Variants in SLCO6A1 observed in about 807,000 individuals in gnomAD.
SLCO6A1 encodes solute carrier organic anion transporter family member 6A1.
In SLCO6A1, 65 loss-of-function variants were observed where a neutral mutation model predicts 72.7. The observed-to-expected ratio is 0.89, with a 90% CI of 0.73 to 1.10. SLCO6A1 has a LOEUF of 1.10. Among genes scored for constraint, SLCO6A1 ranks in the 50% least tolerant of loss-of-function variants. SLCO6A1 has a pLI of 0.00. For missense variants in SLCO6A1, 874 were observed against 872.6 expected (o/e 1.00, Z -0.02); for synonymous variants, 314 against 298.2 (o/e 1.05, Z -0.55).
At chr5:102,481,773 G>A (rs1433909844) in intron 1 of SLCO6A1, among the ~76,000 whole-genome samples, 1 of 152,204 alleles carries the variant, frequency 6.6e-6, no homozygotes, top group Admixed American at 6.5e-5. Context: ...GAGGTACACA[G>A]TCTAATCAAT....
At chr5:102,435,163 A>G (rs1334421352) in intron 7 of SLCO6A1, among the ~76,000 whole-genome samples, 3 of 152,156 alleles carry the variant, frequency 2.0e-5, no homozygotes, top group African/African-American at 7.2e-5. Flanking sequence ...CCTCTTAGGA[A>G]GATTTTCCTA....
At chr5:102,479,178 G>A (rs1752060496) in intron 2 of SLCO6A1, among the ~76,000 whole-genome samples, 1 of 152,124 alleles carries the variant, frequency 6.6e-6, no homozygotes, top group South Asian at 2.1e-4. Context: ...GTGATAGTGA[G>A]TGAGTTCTCA....
At chr5:102,432,200 T>C (rs966474218) in intron 7 of SLCO6A1, among the ~76,000 whole-genome samples, 7 of 152,254 alleles carry the variant, frequency 4.6e-5, no homozygotes, top group Admixed American at 3.9e-4. Context: ...AGCTTGCCAC[T>C]CTGTCTTTTC....
intron 4 of SLCO6A1, among the ~76,000 whole-genome samples, chr5:102,467,492 G>A (rs546935511): frequency 6.6e-6 from 1 of 152,144 alleles, no homozygotes; most frequent in South Asian, 2.1e-4. Flanking sequence ...CAAATATCAT[G>A]AGACTTATTC....
At chr5:102,385,479 C>T (rs928532366) in intron 12 of SLCO6A1, among the ~76,000 whole-genome samples, 2 of 152,068 alleles carry the variant, frequency 1.3e-5, no homozygotes, top group African/African-American at 2.4e-5. Flanking sequence ...TTCCAATAGG[C>T]TTTCTTCACT....
chr5:102,417,464 AT>A (rs1748347218), intron 8 of SLCO6A1, among the ~76,000 whole-genome samples: 1 of 151,622 alleles, frequency 6.6e-6, no homozygotes, highest in African/African-American at 2.4e-5. Flanking sequence ...TTTTTTAATA[AT>A]TTCATTTTAA....
At chr5:102,476,743 A>G (rs997873845) in intron 3 of SLCO6A1, among the ~76,000 whole-genome samples, 1 of 152,050 alleles carries the variant, frequency 6.6e-6, no homozygotes, top group Non-Finnish European at 1.5e-5. Flanking sequence ...ATCTTATTTT[A>G]TTTAATTTGG....
chr5:102,475,762 A>C lies in SLCO6A1; in HGVS notation c.834T>G (p.Tyr278Ter), dbSNP rs201895878. 118 of 1,609,138 alleles carry C rather than the reference A, an allele frequency of 7.3e-5. 1 individual carries two copies. The highest frequency in any genetic ancestry group is 1.7e-4 in the Middle Eastern group (1 of 6,046). ...GIAECTSMIG[Y>*]ALGYVLGAPL... ...GTGCTCCTAGCACATAACCCAGAGC[A>C]TATCCAATCATTGATGTACATTCTG... The change falls in exon 4 of 14, where the codon TAT becomes TAG. Residue 278 changes from tyrosine to a stop codon, truncating the protein, a stop_gained. Coordinates refer to ENST00000506729, the MANE Select transcript of SLCO6A1 (RefSeq NM_173488.5). LOFTEE classifies it high-confidence loss of function.
chr5:102,422,920 A>G (rs907252957), intron 7 of SLCO6A1, among the ~76,000 whole-genome samples: 21 of 152,112 alleles, frequency 1.4e-4, no homozygotes, highest in Admixed American at 8.5e-4. Context: ...GACTAAGAGC[A>G]GATCTCTCTG....
rs200901362 is a variant in SLCO6A1 at position 102,389,445 on chromosome 5, G to GCCC, written c.1880-623_1880-621dup. Among the ~76,000 whole-genome samples, 202 of 35,042 alleles carry GCCC rather than the reference G, an allele frequency of 5.8e-3. 3 individuals are homozygous for GCCC. Among genetic ancestry groups the GCCC allele is most frequent in the Middle Eastern group, 0.029 (2 of 70 alleles). The allele number at this position is 35,042 out of a possible 152,430, so 23.0% of individuals were successfully genotyped here. A position where few individuals can be genotyped will look rare whatever the true frequency, so the allele number is the denominator to read the frequency against. On this transcript the variant is annotated intron_variant, in intron 11 of 13. Transcript: ENST00000506729. ...AAGTGAGTGAACAGTCACACACCCC[G>GCCC]CCCCCCACCCCCACACACACAGAGT...
intron 10 of SLCO6A1, among the ~76,000 whole-genome samples, chr5:102,396,357 T>C (rs903943506): frequency 3.3e-5 from 5 of 152,152 alleles, no homozygotes; most frequent in African/African-American, 9.7e-5. Flanking sequence ...GTTGTAGATA[T>C]GCGGCATTAT....
At chr5:102,440,746 T>A (rs1749790233) in intron 6 of SLCO6A1, among the ~76,000 whole-genome samples, 3 of 152,186 alleles carry the variant, frequency 2.0e-5, no homozygotes, top group Non-Finnish European at 2.9e-5. Flanking sequence ...TTTAATCCAC[T>A]AAGTTATGGG....
At chr5:102,401,801 A>G (rs1747412831) in intron 9 of SLCO6A1, among the ~76,000 whole-genome samples, 1 of 152,160 alleles carries the variant, frequency 6.6e-6, no homozygotes, top group Non-Finnish European at 1.5e-5. Flanking sequence ...CTGATTTCCT[A>G]TTAGGACTCC....
chr5:102,441,737 AT>A, intron 6 of SLCO6A1, among the ~76,000 whole-genome samples: 1 of 152,006 alleles, frequency 6.6e-6, no homozygotes, highest in East Asian at 1.9e-4. Flanking sequence ...TAAAGTTTTA[AT>A]TTTTTCATGA....
At chr5:102,474,226 G>A (rs1458950213) in intron 4 of SLCO6A1, among the ~76,000 whole-genome samples, 7 of 151,946 alleles carry the variant, frequency 4.6e-5, no homozygotes, top group Non-Finnish European at 7.4e-5. Context: ...TATAAAGACC[G>A]ACACACAGAC....
chr5:102,460,115 T>A (rs1287655449), intron 4 of SLCO6A1, among the ~76,000 whole-genome samples: 2 of 152,304 alleles, frequency 1.3e-5, no homozygotes, highest in East Asian at 3.9e-4. Flanking sequence ...ACTACCTTTT[T>A]AAATCTTACC....
At chr5:102,437,396 A>C (rs1342165827) in intron 7 of SLCO6A1, among the ~76,000 whole-genome samples, 1 of 152,196 alleles carries the variant, frequency 6.6e-6, no homozygotes, top group Non-Finnish European at 1.5e-5. Context: ...TTGATGGCTT[A>C]AGGATTTGTT....
intron 4 of SLCO6A1, among the ~76,000 whole-genome samples, chr5:102,473,779 T>C (rs1259125813): frequency 2.0e-5 from 3 of 151,966 alleles, no homozygotes; most frequent in Non-Finnish European, 4.4e-5. Context: ...CTAAATGAAT[T>C]TAGTAAAGTT....
At chr5:102,397,766 C>A (rs1285922966) in intron 10 of SLCO6A1, among the ~76,000 whole-genome samples, 2 of 152,192 alleles carry the variant, frequency 1.3e-5, no homozygotes, top group Non-Finnish European at 2.9e-5. Context: ...TCTGAACCTA[C>A]AAGCTGGTTT....
Sources: allele counts gnomAD v4.1 joint callset (sites outside exome capture counted in the v4.1 genomes callset), GRCh38; gene constraint gnomAD v4.1.1; transcripts MANE v1.5; gene names NCBI Gene and HGNC (gene_info 2026-07-23, HGNC 2026-07-21).